The following MAPT variants were observed in gnomAD, a reference collection of about 807,000 sequenced individuals.
MAPT encodes microtubule associated protein tau, also known as microtubule-associated protein tau.
A neutral mutation model predicts 67.9 loss-of-function variants in MAPT; 34 were observed. The observed-to-expected ratio is 0.50, with a 90% confidence interval of 0.38 to 0.67. The LOEUF is 0.67. Among genes scored for constraint, MAPT ranks in the 30% least tolerant of loss-of-function variants. The pLI is 0.00. For synonymous variants in MAPT, 456 were observed against 464.5 expected, an observed-to-expected ratio of 0.98 and a Z score of 0.23; for missense variants, 881 against 1,115.2, an observed-to-expected ratio of 0.79 and a Z score of 2.99.
intron 1 of MAPT, among the ~76,000 whole-genome samples, chr17:45,953,292 A>G (rs958199664): frequency 2.0e-5 from 3 of 152,214 alleles, no homozygotes; most frequent in Non-Finnish European, 2.9e-5. Context: ...TTTTCTGCCT[A>G]TGTCAAGTAG....
intron 1 of MAPT, among the ~76,000 whole-genome samples, chr17:45,917,224 T>C (rs146170621): frequency 1.7e-4 from 26 of 152,354 alleles, no homozygotes; most frequent in African/African-American, 6.0e-4. Context: ...ACCATTCTGC[T>C]TTGCAGAGTG....
At chr17:45,939,502 A>G (rs1208879130) in intron 1 of MAPT, among the ~76,000 whole-genome samples, 1 of 151,928 alleles carries the variant, frequency 6.6e-6, no homozygotes. Context: ...AGGTGTTTAG[A>G]TGTTTGTTGT....
chr17:45,913,321 A>G (rs146839088), intron 1 of MAPT, among the ~76,000 whole-genome samples: 20 of 152,336 alleles, frequency 1.3e-4, no homozygotes, highest in African/African-American at 4.6e-4. Flanking sequence ...TATCAAGAGA[A>G]CAGCACAGAA....
chr17:45,952,962 T>C (rs2145147540), intron 1 of MAPT, among the ~76,000 whole-genome samples: 1 of 152,140 alleles, frequency 6.6e-6, no homozygotes, highest in East Asian at 1.9e-4. Context: ...CTGTGTGACC[T>C]GGGGCAGGTA....
chr17:45,965,896 G>A (rs1261476525), intron 2 of MAPT, among the ~76,000 whole-genome samples: 3 of 152,214 alleles, frequency 2.0e-5, no homozygotes, highest in Non-Finnish European at 2.9e-5. Flanking sequence ...GGTGGATGAC[G>A]TCCGCTTCAC....
chr17:45,972,233 C>G (rs540443212), intron 3 of MAPT: 113 of 607,036 alleles, frequency 1.9e-4, no homozygotes, highest in Non-Finnish European at 3.0e-4. Flanking sequence ...TCCCACACCC[C>G]CTTCAAAAGC....
chr17:46,007,044 G>A (rs2075492727), intron 9 of MAPT, among the ~76,000 whole-genome samples: 1 of 151,526 alleles, frequency 6.6e-6, no homozygotes, highest in Admixed American at 6.6e-5. Flanking sequence ...AATGCTTGAG[G>A]TGATAGATAC....
chr17:45,929,595 C>T (rs1156297569), intron 1 of MAPT, among the ~76,000 whole-genome samples: 3 of 152,160 alleles, frequency 2.0e-5, no homozygotes. Flanking sequence ...TGGTCATCAT[C>T]GCCAGGCTTG....
At chr17:46,014,140 T>C in intron 10 of MAPT, 103 bp from the exon 11 acceptor site, 1 of 743,956 alleles carries the variant, frequency 1.3e-6, no homozygotes, top group African/African-American at 1.7e-5. Context: ...TGCTTCTCAT[T>C]GAGTTACACC....
In MAPT at chr17:46,028,295, TA is replaced by T. The variant is rs1488433513; in HGVS notation, c.*4128del. The T allele has an allele frequency of 2.6e-5, 4 of 152,616 alleles. No homozygotes were observed. The highest frequency in any genetic ancestry group is 9.7e-5 in the African/African-American group (4 of 41,448). The allele number at this position is 152,616 out of a possible 1,614,324, so 9.5% of individuals were successfully genotyped here. The stretch of plus-strand genomic sequence containing the variant: ...AAATGATTTACACTGACTGTTGCTG[TA>T]AAAGTGAATTTGGAAATAAAGTTAT... On this transcript the variant is annotated 3_prime_UTR_variant, in exon 13 of 13. Coordinates refer to ENST00000262410, the MANE Select transcript of MAPT (RefSeq NM_001377265.1).
chr17:45,967,550 A>G (rs1029412367), intron 2 of MAPT, among the ~76,000 whole-genome samples: 2 of 152,180 alleles, frequency 1.3e-5, no homozygotes, highest in Admixed American at 1.3e-4. Flanking sequence ...CTTGTTCAGG[A>G]TTAGCTGTTC....
intron 1 of MAPT, among the ~76,000 whole-genome samples, chr17:45,921,200 CG>C (rs1193942165): frequency 6.6e-6 from 1 of 152,124 alleles, no homozygotes; most frequent in Non-Finnish European, 1.5e-5. Flanking sequence ...GGTGTAAATT[CG>C]GGGTATTTCT....
At chr17:46,004,937 C>T (rs2075305476) in intron 9 of MAPT, among the ~76,000 whole-genome samples, 1 of 152,182 alleles carries the variant, frequency 6.6e-6, no homozygotes, top group Non-Finnish European at 1.5e-5. Flanking sequence ...GTGCCCGCCA[C>T]CACACCTGGC....
chr17:45,947,678 G>A (rs904910211), intron 1 of MAPT, among the ~76,000 whole-genome samples: 7 of 151,866 alleles, frequency 4.6e-5, no homozygotes, highest in African/African-American at 9.7e-5. Flanking sequence ...GTGAGCCACC[G>A]CGCCTGGCCT....
At chr17:45,987,580 G>GT (rs1195736744) in intron 6 of MAPT, among the ~76,000 whole-genome samples, 3 of 152,210 alleles carry the variant, frequency 2.0e-5, no homozygotes, top group African/African-American at 7.2e-5. Flanking sequence ...GCACAGTGGC[G>GT]TTTTTCCTGG....
chr17:46,006,150 C>A (rs1046532178), intron 9 of MAPT, among the ~76,000 whole-genome samples: 1 of 152,178 alleles, frequency 6.6e-6, no homozygotes, highest in African/African-American at 2.4e-5. Context: ...GTGTTGATTG[C>A]AGGGCTATTC....
intron 1 of MAPT, among the ~76,000 whole-genome samples, chr17:45,934,160 A>G (rs62061715): frequency 0.14 from 21,809 of 152,086 alleles, 2,133 homozygotes; most frequent in Middle Eastern, 0.22. Flanking sequence ...CCAGGAGTTC[A>G]AGACCTCGTC....
At position 46,010,209 on chromosome 17, in the gene MAPT, C is replaced by T. The variant is rs1394583227; in HGVS notation, c.1999-101C>T. On this transcript the variant is annotated intron_variant, in intron 9 of 12. Transcript: ENST00000262410. The surrounding 1 kb of genome is among the most constrained non-coding windows in gnomAD (Gnocchi z 4.7). ...ATCCTTGCGAGCAAGTAGGCGGGTCCAGGGTGGCGCATGTCACTCATCGAA... is the reference window on the plus strand; with the variant it reads ...ATCCTTGCGAGCAAGTAGGCGGGTCTAGGGTGGCGCATGTCACTCATCGAA... 4 of 793,190 alleles carry T rather than the reference C, an allele frequency of 5.0e-6. No homozygotes were observed. Among genetic ancestry groups the T allele is most frequent in the South Asian group, 4.4e-5 (3 of 68,932 alleles). The allele number at this position is 793,190 out of a possible 1,614,324, so 49.1% of individuals were successfully genotyped here.
chr17:45,903,896 A>ATATATT (rs2063847554), intron 1 of MAPT, among the ~76,000 whole-genome samples: 1 of 29,302 alleles, frequency 3.4e-5, no homozygotes, highest in Admixed American at 6.5e-4. Context: ...TTTATATATT[A>ATATATT]TATATATTTA....
Sources: gnomAD v4.1 joint callset for allele counts (sites outside exome capture counted in the v4.1 genomes callset) on GRCh38, gnomAD v4.1.1 for gene constraint, Gnocchi (gnomAD v3.1) non-coding constraint, MANE v1.5 for transcripts, NCBI Gene and HGNC (gene_info 2026-07-23, HGNC 2026-07-21) for gene names.